Variants in NAALADL2 observed in about 807,000 individuals in gnomAD.
The protein encoded by NAALADL2 is inactive N-acetylated-alpha-linked acidic dipeptidase-like protein 2.
A neutral mutation model predicts 87.2 loss-of-function variants in NAALADL2; 76 were observed. The ratio of observed to expected loss-of-function variants is 0.87; its 90% CI spans 0.72 to 1.05. The LOEUF is 1.05. NAALADL2 is among the 50% of genes least tolerant of loss of function. The pLI, the probability that NAALADL2 is intolerant of heterozygous loss-of-function variation, is 0.00. For synonymous variants in NAALADL2, 354 were observed against 331.0 expected (o/e 1.07, Z -0.75); for missense variants, 1,089 against 945.8 (o/e 1.15, Z -1.99).
At chr3:175,488,388 T>G (rs573434201) in intron 9 of NAALADL2, among the ~76,000 whole-genome samples, 8 of 152,358 alleles carry the variant, frequency 5.3e-5, no homozygotes, top group African/African-American at 1.9e-4. Context: ...GTGGGATATG[T>G]TAAGCATTAC....
intron 3 of NAALADL2, among the ~76,000 whole-genome samples, chr3:174,836,313 G>A (rs558748848): frequency 4.6e-5 from 7 of 152,150 alleles, no homozygotes; most frequent in South Asian, 4.2e-4. Flanking sequence ...GTAGAAGGGC[G>A]TTACTGTAGG....
At chr3:175,780,707 A>T (rs1190289324) in intron 13 of NAALADL2, among the ~76,000 whole-genome samples, 1 of 152,206 alleles carries the variant, frequency 6.6e-6, no homozygotes, top group East Asian at 1.9e-4. Context: ...AAATTCCATT[A>T]AAAAAGATAA....
chr3:174,837,088 T>C (rs1011128802), intron 3 of NAALADL2, among the ~76,000 whole-genome samples: 1 of 151,724 alleles, frequency 6.6e-6, no homozygotes, highest in Non-Finnish European at 1.5e-5. Context: ...CTTAAGGAAC[T>C]AGAGAAACAA....
At chr3:174,900,580 A>T (rs557013766) in intron 1 of NAALADL2, among the ~76,000 whole-genome samples, 1 of 152,098 alleles carries the variant, frequency 6.6e-6, no homozygotes, top group East Asian at 1.9e-4. Flanking sequence ...AAAAAATTCT[A>T]ATTCATAAAT....
At chr3:175,496,275 TAA>T (rs762276889) in intron 9 of NAALADL2, among the ~76,000 whole-genome samples, 21 of 152,148 alleles carry the variant, frequency 1.4e-4, no homozygotes, top group Non-Finnish European at 2.4e-4. Flanking sequence ...TCAGCAACTT[TAA>T]GACTTGTATT....
At chr3:174,887,049 ACT>A (rs1270777926) in intron 1 of NAALADL2, among the ~76,000 whole-genome samples, 1 of 151,966 alleles carries the variant, frequency 6.6e-6, no homozygotes, top group South Asian at 2.1e-4. Flanking sequence ...TAGTACCAAA[ACT>A]CTGATGCTGT....
At chr3:174,801,442 T>C (rs1718819781) in intron 3 of NAALADL2, among the ~76,000 whole-genome samples, 1 of 152,204 alleles carries the variant, frequency 6.6e-6, no homozygotes, top group African/African-American at 2.4e-5. Context: ...TCCAGCAACG[T>C]GGAACTGTAA....
At chr3:174,743,732 G>T (rs771769867) in intron 3 of NAALADL2, among the ~76,000 whole-genome samples, 40 of 151,730 alleles carry the variant, frequency 2.6e-4, no homozygotes, top group Non-Finnish European at 2.7e-4. Context: ...AATTATGACT[G>T]GCCAATGTTT....
At chr3:175,236,548 CAAA>C (rs34787558) in intron 3 of NAALADL2, among the ~76,000 whole-genome samples, 5 of 98,940 alleles carry the variant, frequency 5.1e-5, no homozygotes, top group Non-Finnish European at 1.9e-5. Flanking sequence ...AACTCCTTCT[CAAA>C]AAAAAAAAAA....
rs1324409441 is a variant in NAALADL2 at position 175,808,787 on chromosome 3, T to TC, written c.*5585dup. ...TATGTTGCATTGAAGTTAATGTCGGTCTTTTGTTCTAATTAAAGTACAAAC... is the reference window on the plus strand; with the variant it reads ...TATGTTGCATTGAAGTTAATGTCGGTCCTTTTGTTCTAATTAAAGTACAAAC... On this transcript the variant is annotated 3_prime_UTR_variant, in exon 14 of 14. Transcript: ENST00000454872. 6.6e-6 allele frequency: 1 copy of TC among 152,048 alleles called. No homozygotes were observed. Among genetic ancestry groups the TC allele is most frequent in the Non-Finnish European group, 1.5e-5 (1 of 67,954 alleles). 9.4% of individuals were successfully genotyped at this position (152,048 alleles called of 1,614,324 possible).
chr3:174,648,948 T>C (rs1480611323), intron 2 of NAALADL2, among the ~76,000 whole-genome samples: 1 of 152,056 alleles, frequency 6.6e-6, no homozygotes, highest in African/African-American at 2.4e-5. Flanking sequence ...GAACCTGTTT[T>C]GTTTTTGTTT....
chr3:174,583,580 T>C (rs1716392190), intron 2 of NAALADL2, among the ~76,000 whole-genome samples: 1 of 152,132 alleles, frequency 6.6e-6, no homozygotes, highest in South Asian at 2.1e-4. Context: ...TTAGGGTCAA[T>C]TCTACAGGCA....
intron 1 of NAALADL2, among the ~76,000 whole-genome samples, chr3:174,929,458 T>C (rs1736550900): frequency 6.6e-6 from 1 of 152,204 alleles, no homozygotes; most frequent in Non-Finnish European, 1.5e-5. Context: ...ATTATGCTTA[T>C]AGAATTGTGA....
At chr3:174,998,779 G>T (rs1747863026) in intron 1 of NAALADL2, among the ~76,000 whole-genome samples, 1 of 152,124 alleles carries the variant, frequency 6.6e-6, no homozygotes, top group Non-Finnish European at 1.5e-5. Context: ...TTTTAAGAAT[G>T]ATTTGCTCCA....
chr3:175,294,148 A>G (rs73184739), intron 4 of NAALADL2, among the ~76,000 whole-genome samples: 15,136 of 152,250 alleles, frequency 0.099, 1,017 homozygotes, highest in Middle Eastern at 0.16. Context: ...AAAGCCTAGA[A>G]TATAGCCAGT....
chr3:175,382,771 A>G (rs1767938245), intron 5 of NAALADL2, among the ~76,000 whole-genome samples: 1 of 151,648 alleles, frequency 6.6e-6, no homozygotes, highest in African/African-American at 2.4e-5. Flanking sequence ...GGGAGAGATA[A>G]TTTAAGAAGT....
chr3:174,882,789 A>G (rs1190368704), intron 1 of NAALADL2, among the ~76,000 whole-genome samples: 4 of 110,742 alleles, frequency 3.6e-5, no homozygotes, highest in African/African-American at 1.2e-4. Context: ...ACATATGTGT[A>G]TATATACACG....
At chr3:175,346,977 C>G (rs1435872979) in intron 5 of NAALADL2, among the ~76,000 whole-genome samples, 3 of 141,326 alleles carry the variant, frequency 2.1e-5, no homozygotes, top group African/African-American at 7.6e-5. Flanking sequence ...CAAATTTAGT[C>G]TTGCGAGACA....
chr3:174,807,175 A>C (rs1457023000), intron 3 of NAALADL2, among the ~76,000 whole-genome samples: 2 of 152,130 alleles, frequency 1.3e-5, no homozygotes, highest in Non-Finnish European at 2.9e-5. Flanking sequence ...TTAATTGAAT[A>C]ACAGTCTCTT....
Sources: gnomAD v4.1 joint callset for allele counts (sites outside exome capture counted in the v4.1 genomes callset) on GRCh38, gnomAD v4.1.1 for gene constraint, MANE v1.5 for transcripts, NCBI Gene and HGNC (gene_info 2026-07-23, HGNC 2026-07-21) for gene names.